Variants in OPCML observed in about 807,000 individuals in gnomAD.
OPCML encodes opioid binding protein/cell adhesion molecule like.
In OPCML, 13 loss-of-function variants were observed where a neutral mutation model predicts 37.8. That is an observed-to-expected ratio of 0.34 (90% confidence interval 0.22 to 0.55). The LOEUF (loss-of-function observed/expected upper bound fraction) is 0.55, where lower values mean the gene tolerates loss of function less well. OPCML is among the 20% of genes least tolerant of loss of function. The probability of loss-of-function intolerance (pLI) is 0.91; values close to 1 mark genes in which losing one functional copy is unlikely to be tolerated. For missense variants in OPCML, 341 were observed against 435.6 expected, an observed-to-expected ratio of 0.78 and a Z score of 1.93; for synonymous variants, 176 against 168.8, an observed-to-expected ratio of 1.04 and a Z score of -0.33.
At chr11:133,476,371 AC>A (rs1466841995) in intron 1 of OPCML, among the ~76,000 whole-genome samples, 2 of 121,548 alleles carry the variant, frequency 1.6e-5, no homozygotes, top group Non-Finnish European at 3.6e-5. Context: ...TTCTACATAC[AC>A]TTTTTGTACT....
chr11:132,539,528 C>CTGA (rs1377865739), intron 3 of OPCML, among the ~76,000 whole-genome samples: 167 of 151,558 alleles, frequency 1.1e-3, no homozygotes, highest in Non-Finnish European at 1.4e-3. Flanking sequence ...GCTGCTGCTG[C>CTGA]TGCTGATGAT....
At chr11:132,651,774 T>A (rs751329133) in intron 3 of OPCML, among the ~76,000 whole-genome samples, 1 of 152,096 alleles carries the variant, frequency 6.6e-6, no homozygotes, top group Non-Finnish European at 1.5e-5. Context: ...AGATGTAGAG[T>A]CTTTTGTTTA....
chr11:133,444,075 A>G (rs895735522), intron 1 of OPCML, among the ~76,000 whole-genome samples: 1 of 152,132 alleles, frequency 6.6e-6, no homozygotes, highest in African/African-American at 2.4e-5. Flanking sequence ...CTCTATTTGC[A>G]CTGGAAACCT....
intron 1 of OPCML, among the ~76,000 whole-genome samples, chr11:132,978,924 G>A (rs1946524349): frequency 6.6e-6 from 1 of 151,992 alleles, no homozygotes; most frequent in Non-Finnish European, 1.5e-5. Context: ...ATCTAAAATT[G>A]AACATGTGCA....
chr11:132,551,527 T>A (rs2096381701), intron 3 of OPCML, among the ~76,000 whole-genome samples: 1 of 152,204 alleles, frequency 6.6e-6, no homozygotes, highest in Non-Finnish European at 1.5e-5. Context: ...GGCTGGAGGC[T>A]ACAAGATTCT....
At chr11:133,409,573 T>C (rs889703678) in intron 1 of OPCML, among the ~76,000 whole-genome samples, 1 of 152,158 alleles carries the variant, frequency 6.6e-6, no homozygotes, top group Non-Finnish European at 1.5e-5. Flanking sequence ...TATATACATT[T>C]TATCCAGAGA....
intron 4 of OPCML, among the ~76,000 whole-genome samples, chr11:132,483,946 C>T (rs1270677445): frequency 1.3e-5 from 2 of 152,048 alleles, no homozygotes; most frequent in African/African-American, 4.8e-5. Context: ...AAATGTTAGA[C>T]CTAAAACCAT....
chr11:133,371,515 T>C (rs1335801864), intron 1 of OPCML, among the ~76,000 whole-genome samples: 1 of 152,172 alleles, frequency 6.6e-6, no homozygotes, highest in Non-Finnish European at 1.5e-5. Context: ...ATGGGGGCAG[T>C]TTCCCTCATG....
intron 3 of OPCML, among the ~76,000 whole-genome samples, chr11:132,629,843 A>G (rs1939983475): frequency 1.3e-5 from 2 of 152,214 alleles, no homozygotes. Flanking sequence ...ATAATAATGG[A>G]TATAAAGAAA....
chr11:132,765,582 C>A (rs1313949871), intron 2 of OPCML, among the ~76,000 whole-genome samples: 1 of 152,154 alleles, frequency 6.6e-6, no homozygotes, highest in Non-Finnish European at 1.5e-5. Context: ...TCTTAGCTAT[C>A]AGAACAAGAA....
intron 2 of OPCML, among the ~76,000 whole-genome samples, chr11:132,784,750 G>T (rs1362298480): frequency 6.6e-6 from 1 of 152,092 alleles, no homozygotes; most frequent in Admixed American, 6.5e-5. Context: ...GAGATCTGTT[G>T]AAAAGAGCCT....
intron 1 of OPCML, among the ~76,000 whole-genome samples, chr11:133,039,312 C>T (rs1000698289): frequency 9.2e-5 from 14 of 152,328 alleles, no homozygotes; most frequent in African/African-American, 2.9e-4. Context: ...GTGCTCAAGA[C>T]AACCTCAGCA....
intron 1 of OPCML, chr11:133,421,656 G>T (rs1284035729): frequency 1.0e-6 from 1 of 985,144 alleles, no homozygotes; most frequent in East Asian, 1.1e-4. Flanking sequence ...TTTCTTTTAG[G>T]TCTAAATGAA....
At chr11:133,463,284 A>C (rs115554456) in intron 1 of OPCML, among the ~76,000 whole-genome samples, 3,162 of 152,154 alleles carry the variant, frequency 0.021, 108 homozygotes, top group African/African-American at 0.072. Flanking sequence ...ATGGGTACAG[A>C]GTTTCAGTTT....
chr11:133,484,094 A>G (rs1426086556), intron 1 of OPCML, among the ~76,000 whole-genome samples: 1 of 150,154 alleles, frequency 6.7e-6, no homozygotes, highest in Non-Finnish European at 1.5e-5. Context: ...TCATAGATGA[A>G]TAGATAGATT....
intron 4 of OPCML, among the ~76,000 whole-genome samples, chr11:132,438,850 C>A (rs2096022262): frequency 6.6e-6 from 1 of 151,960 alleles, no homozygotes; most frequent in Admixed American, 6.6e-5. Context: ...CAAGTCTAAG[C>A]CTTGGGGGCT....
intron 2 of OPCML, among the ~76,000 whole-genome samples, chr11:132,686,269 G>A (rs972106761): frequency 2.0e-5 from 3 of 152,178 alleles, no homozygotes; most frequent in Admixed American, 1.3e-4. Context: ...ACATGAAAAT[G>A]AGGACAGAAA....
chr11:132,453,616 C>T (rs2096074063), intron 4 of OPCML, among the ~76,000 whole-genome samples: 1 of 152,206 alleles, frequency 6.6e-6, no homozygotes, highest in African/African-American at 2.4e-5. Flanking sequence ...TAAATATAAG[C>T]TTAGCAAGAA....
chr11:132,794,099 G>T (rs1938135365), intron 2 of OPCML, among the ~76,000 whole-genome samples: 1 of 152,054 alleles, frequency 6.6e-6, no homozygotes, highest in East Asian at 1.9e-4. Context: ...TACCTCCACC[G>T]TGTTGTTTCC....
Sources: gnomAD v4.1 joint callset for allele counts (sites outside exome capture counted in the v4.1 genomes callset) on GRCh38, gnomAD v4.1.1 for gene constraint, MANE v1.5 for transcripts, NCBI Gene and HGNC (gene_info 2026-07-23, HGNC 2026-07-21) for gene names.